The following CRB1 variants were observed in gnomAD, a reference collection of about 807,000 sequenced individuals.
The protein encoded by CRB1 is crumbs cell polarity complex component 1.
In CRB1, 83 loss-of-function variants were observed where a neutral mutation model predicts 120.0. The ratio of observed to expected loss-of-function variants is 0.69; its 90% CI spans 0.58 to 0.83. The LOEUF is 0.83. CRB1 is among the 40% of genes least tolerant of loss of function. The pLI, the probability that CRB1 is intolerant of heterozygous loss-of-function variation, is 0.00. For synonymous variants in CRB1, 625 were observed against 612.5 expected (o/e 1.02, Z -0.30); for missense variants, 1,699 against 1,687.6 (o/e 1.01, Z -0.12).
rs962076311 is a variant in CRB1, at chr1:197,316,424, C to T, written c.71-11998C>T. ...TGGTCTCATCTCCTGACCTCGTGAT[C>T]CGCCCGCCTCGGCCTCCCAAAGTGC... On this transcript the variant is annotated intron_variant, in intron 1 of 11. Coordinates refer to ENST00000367400, the MANE Select transcript of CRB1 (RefSeq NM_201253.3). Among the ~76,000 whole-genome samples the T allele has an allele frequency of 5.9e-5, 9 of 152,006 alleles. No homozygotes were observed. The South Asian group carries it at 8.3e-4, about 14-fold the overall frequency.
At chr1:197,465,920 T>C (rs1666730917) in intron 11 of CRB1, among the ~76,000 whole-genome samples, 1 of 152,230 alleles carries the variant, frequency 6.6e-6, no homozygotes, top group Non-Finnish European at 1.5e-5. Context: ...AATGGCACAA[T>C]AGATTATATA....
At chr1:197,266,655 AC>A (rs1654643630), upstream of CRB1, among the ~76,000 whole-genome samples, 1 of 151,926 alleles carries the variant, frequency 6.6e-6, no homozygotes, top group African/African-American at 2.4e-5. Flanking sequence ...TTATATTCAA[AC>A]CCCATGTATA....
intron 5 of CRB1, among the ~76,000 whole-genome samples, chr1:197,405,811 G>A (rs906711350): frequency 3.3e-5 from 5 of 150,956 alleles, no homozygotes; most frequent in East Asian, 2.0e-4. Context: ...TAGCTGCCCC[G>A]TCTGAGAAGT....
intron 1 of CRB1, among the ~76,000 whole-genome samples, chr1:197,326,982 G>A (rs1269089883): frequency 1.3e-5 from 2 of 150,234 alleles, no homozygotes; most frequent in Admixed American, 6.7e-5. Context: ...TTTCTATTAA[G>A]AACTCAAAAC....
Position 197,279,236 on chromosome 1 carries a change from AAG to A in CRB1, c.70+10759_70+10760del, listed in dbSNP as rs150856861. Among the ~76,000 whole-genome samples, 622 of 151,962 alleles carry A rather than the reference AAG, an allele frequency of 4.1e-3. 7 individuals are homozygous for A. The highest frequency in any genetic ancestry group is 0.015 in the African/African-American group (607 of 41,502). On this transcript the variant is annotated intron_variant, in intron 1 of 11. Transcript: ENST00000367400. ...ACCTATACCAGAGGTTGGGTAAGGA[AAG>A]AGAGGAAAAATGAAATGTAAAATTT...
At chr1:197,320,018 A>G (rs1658099683) in intron 1 of CRB1, among the ~76,000 whole-genome samples, 1 of 152,226 alleles carries the variant, frequency 6.6e-6, no homozygotes. Context: ...TTTGTTTTGT[A>G]AAGATTAAAT....
intron 1 of CRB1, 97 bp from the exon 2 acceptor site, chr1:197,328,325 A>G: frequency 1.1e-6 from 1 of 914,878 alleles, no homozygotes; most frequent in South Asian, 1.6e-5. Context: ...TATTTTATTA[A>G]TGAGTTTGGT....
At chr1:197,268,605 G>T (rs1221955313) in intron 1 of CRB1, 123 bp downstream of exon 1, 67 of 665,994 alleles carry the variant, frequency 1.0e-4, no homozygotes, top group Middle Eastern at 3.1e-4. Flanking sequence ...GTTTTTATTT[G>T]TTTTTTTTTT....
the CRB1 span, among the ~76,000 whole-genome samples, chr1:197,235,847 A>G: frequency 1.3e-5 from 2 of 152,196 alleles, no homozygotes; most frequent in Non-Finnish European, 1.5e-5. Context: ...GATCATTTTG[A>G]GAAAATGGGT....
chr1:197,466,054 C>T (rs761914552), intron 11 of CRB1, among the ~76,000 whole-genome samples: 6 of 152,294 alleles, frequency 3.9e-5, no homozygotes, highest in Admixed American at 3.9e-4. Flanking sequence ...AAAACACAAC[C>T]TCCAAAGTTG....
the CRB1 span, among the ~76,000 whole-genome samples, chr1:197,256,962 TG>T: frequency 6.6e-6 from 1 of 151,672 alleles, no homozygotes; most frequent in African/African-American, 2.4e-5. Flanking sequence ...TGTGTGTGTG[TG>T]TGTGTGTAAT....
chr1:197,447,252 G>A (rs369567207), intron 11 of CRB1, among the ~76,000 whole-genome samples: 2 of 152,310 alleles, frequency 1.3e-5, no homozygotes, highest in African/African-American at 4.8e-5. Context: ...TGATGGCAGA[G>A]GTAGCCTTCG....
chr1:197,450,765 C>T (rs1192118866), intron 11 of CRB1, among the ~76,000 whole-genome samples: 2 of 124,420 alleles, frequency 1.6e-5, no homozygotes, highest in Non-Finnish European at 3.3e-5. Context: ...ATGGTGAAAC[C>T]CCGTCTCTAC....
intron 11 of CRB1, among the ~76,000 whole-genome samples, chr1:197,450,834 C>T (rs373847317): frequency 6.2e-5 from 9 of 145,888 alleles, no homozygotes; most frequent in Non-Finnish European, 1.0e-4. Flanking sequence ...GTGGCCAGCG[C>T]CTGTAGTCCC....
intron 5 of CRB1, among the ~76,000 whole-genome samples, chr1:197,365,272 G>A (rs1660999013): frequency 6.6e-6 from 1 of 152,172 alleles, no homozygotes; most frequent in South Asian, 2.1e-4. Flanking sequence ...GGCTCCTTTA[G>A]TGGGTGTTGT....
rs780654592 is a variant in CRB1, at chr1:197,478,168, A to G, written c.*289A>G. 3.4e-5 allele frequency: 14 copies of G among 416,612 alleles called. No individual in the cohort carries two copies. Among genetic ancestry groups the G allele is most frequent in the Non-Finnish European group, 5.3e-5 (12 of 225,298 alleles). 25.8% of individuals were successfully genotyped at this position (416,612 alleles called of 1,614,324 possible). A position where few individuals can be genotyped will look rare whatever the true frequency, so the allele number is the denominator to read the frequency against. On this transcript the variant is annotated 3_prime_UTR_variant, in exon 12 of 12. Transcript: ENST00000367400. ...AAAGTCTTCTGTGGCTTTAGTGGCT[A>G]TCACTGAAACTCTTTCCTCTTTTCA...
chr1:197,240,728 G>A, the CRB1 span, among the ~76,000 whole-genome samples: 15 of 152,222 alleles, frequency 9.9e-5, no homozygotes, highest in Non-Finnish European at 1.6e-4. Context: ...GAGTATATAC[G>A]CAGTAATGGG....
intron 1 of CRB1, among the ~76,000 whole-genome samples, chr1:197,311,715 G>GTGTGTGTA (rs955842054): frequency 3.3e-5 from 5 of 150,592 alleles, no homozygotes; most frequent in African/African-American, 1.2e-4. Flanking sequence ...GTGTGTGTGT[G>GTGTGTGTA]TGTGTGTGTG....
chr1:197,290,153 G>C (rs551124858), intron 1 of CRB1, among the ~76,000 whole-genome samples: 157 of 151,676 alleles, frequency 1.0e-3, no homozygotes, highest in African/African-American at 3.2e-3. Flanking sequence ...TATCCTATGA[G>C]TACCTTTTGG....
Sources: gnomAD v4.1 joint callset for allele counts (sites outside exome capture counted in the v4.1 genomes callset) on GRCh38, gnomAD v4.1.1 for gene constraint, MANE v1.5 for transcripts, NCBI Gene and HGNC (gene_info 2026-07-23, HGNC 2026-07-21) for gene names.